RIN3: variants seen among roughly 807,000 people sequenced by gnomAD.
The protein encoded by RIN3 is RAB5 interacting protein 3.
A neutral mutation model predicts 76.3 loss-of-function variants in RIN3; 54 were observed. The ratio of observed to expected loss-of-function variants is 0.71; its 90% CI spans 0.57 to 0.89. The LOEUF (loss-of-function observed/expected upper bound fraction) is 0.89. Ranked by LOEUF, RIN3 falls within the 40% of genes least tolerant of loss-of-function variation. RIN3 has a pLI of 0.00. For synonymous variants in RIN3, 576 were observed against 564.0 expected, an observed-to-expected ratio of 1.02 and a Z score of -0.30; for missense variants, 1,256 against 1,322.1, an observed-to-expected ratio of 0.95 and a Z score of 0.78.
chr14:92,616,944 T>G lies in RIN3; in HGVS notation c.440+1465T>G, dbSNP rs118173610. Among the ~76,000 whole-genome samples, 165 of 152,342 alleles carry G rather than the reference T, an allele frequency of 1.1e-3. 4 individuals are homozygous for G. The East Asian group carries it at 0.028, about 26-fold the overall frequency. On this transcript the variant is annotated intron_variant, in intron 4 of 9. Transcript: ENST00000216487. ...TAGCACAAATGATACCATTTTGGTTTGGTTTGTTGGGGCCTAGTGCATGAG... is the reference window on the plus strand; with the variant it reads ...TAGCACAAATGATACCATTTTGGTTGGGTTTGTTGGGGCCTAGTGCATGAG...
chr14:92,520,260 T>C (rs1304630370), intron 1 of RIN3, among the ~76,000 whole-genome samples: 1 of 152,204 alleles, frequency 6.6e-6, no homozygotes, highest in African/African-American at 2.4e-5. Flanking sequence ...TCAGGCCACA[T>C]CCTATGGGGT....
At chr14:92,666,668 T>C (rs1361363732) in intron 7 of RIN3, among the ~76,000 whole-genome samples, 1 of 152,198 alleles carries the variant, frequency 6.6e-6, no homozygotes, top group Non-Finnish European at 1.5e-5. Context: ...AAAGAAGTCA[T>C]TCCCACCTCC....
At chr14:92,518,693 A>G (rs1212217729) in intron 1 of RIN3, among the ~76,000 whole-genome samples, 1 of 152,112 alleles carries the variant, frequency 6.6e-6, no homozygotes, top group African/African-American at 2.4e-5. Flanking sequence ...AGAATGGAGA[A>G]TAGCTTGGTG....
At position 92,681,837 on chromosome 14, in the gene RIN3, C is replaced by A. The variant is rs1888673378; in HGVS notation, c.2468-3150C>A. On this transcript the variant is annotated intron_variant, in intron 8 of 9. Coordinates refer to ENST00000216487, the MANE Select transcript of RIN3 (RefSeq NM_024832.5). The surrounding 1 kb of genome is among the most constrained non-coding windows in gnomAD (Gnocchi z 4.7). Reference sequence around the variant, plus strand: ...CTCTTATTAGGGACACCAAGGCAACCTCTGTGGTAGCTTTAATTTAGTTTT... The same window carrying A: ...CTCTTATTAGGGACACCAAGGCAACATCTGTGGTAGCTTTAATTTAGTTTT... Among the ~76,000 whole-genome samples, 1 of 152,140 alleles carries A rather than the reference C, an allele frequency of 6.6e-6. No individual in the cohort carries two copies. The highest frequency in any genetic ancestry group is 1.5e-5 in the Non-Finnish European group (1 of 68,032).
At chr14:92,594,187 C>T (rs1885078248) in intron 3 of RIN3, among the ~76,000 whole-genome samples, 1 of 152,120 alleles carries the variant, frequency 6.6e-6, no homozygotes, top group Admixed American at 6.5e-5. Flanking sequence ...AATCCCAGCA[C>T]TTTGGGAGGC....
At chr14:92,524,008 C>T (rs1896662566) in intron 1 of RIN3, among the ~76,000 whole-genome samples, 1 of 152,150 alleles carries the variant, frequency 6.6e-6, no homozygotes, top group East Asian at 1.9e-4. Context: ...GACTGGGCAA[C>T]ACAGCAAGAC....
chr14:92,573,371 C>A (rs1327565827), intron 2 of RIN3, among the ~76,000 whole-genome samples: 1 of 152,180 alleles, frequency 6.6e-6, no homozygotes, highest in African/African-American at 2.4e-5. Flanking sequence ...CATCTTCCTC[C>A]CAGCACATCA....
chr14:92,653,177 G>T, intron 6 of RIN3, 102 bp downstream of exon 6: 1 of 1,261,130 alleles, frequency 7.9e-7, no homozygotes, highest in Non-Finnish European at 1.1e-6. Context: ...GACGCTGTTG[G>T]TGCCCACCCC....
intron 1 of RIN3, chr14:92,515,598 A>G (rs565981570): frequency 9.6e-6 from 3 of 311,688 alleles, no homozygotes; most frequent in East Asian, 5.1e-5. Flanking sequence ...AATTATCACC[A>G]TTATTATCAT....
At chr14:92,579,601 C>T (rs1202024012) in intron 3 of RIN3, among the ~76,000 whole-genome samples, 2 of 152,234 alleles carry the variant, frequency 1.3e-5, no homozygotes, top group Non-Finnish European at 2.9e-5. Flanking sequence ...TAAATGGATC[C>T]ATCTCTTGTA....
In RIN3 at chr14:92,615,900, C is replaced by T. The variant is rs966590988; in HGVS notation, c.440+421C>T. 6 of 176,562 alleles carry T rather than the reference C, an allele frequency of 3.4e-5. No individual in the cohort carries two copies. The East Asian group carries it at 9.6e-4, about 28-fold the overall frequency. 10.9% of individuals were successfully genotyped at this position (176,562 alleles called of 1,614,324 possible). A position where few individuals can be genotyped will look rare whatever the true frequency, so the allele number is the denominator to read the frequency against. On this transcript the variant is annotated intron_variant, in intron 4 of 9. Coordinates refer to ENST00000216487, the MANE Select transcript of RIN3 (RefSeq NM_024832.5). Reference sequence around the variant, plus strand: ...CTGGGTGGAGCGGGTGTCTGCTAACCACCCTGAGAACTGCCTGTTTATTCA... The same window carrying T: ...CTGGGTGGAGCGGGTGTCTGCTAACTACCCTGAGAACTGCCTGTTTATTCA...
intron 6 of RIN3, 113 bp downstream of exon 6, chr14:92,653,188 C>G (rs1887539148): frequency 8.8e-7 from 1 of 1,139,708 alleles, no homozygotes; most frequent in South Asian, 1.6e-5. Context: ...TGCCCACCCC[C>G]TATCCCTTCC....
intron 3 of RIN3, among the ~76,000 whole-genome samples, chr14:92,583,694 C>T (rs1192821391): frequency 6.6e-6 from 1 of 152,174 alleles, no homozygotes; most frequent in East Asian, 1.9e-4. Context: ...CAGAGCTCCC[C>T]AACGTTTTTG....
intron 1 of RIN3, among the ~76,000 whole-genome samples, chr14:92,552,565 C>A (rs571139150): frequency 3.9e-5 from 6 of 152,070 alleles, no homozygotes; most frequent in Non-Finnish European, 8.8e-5. Context: ...TCCTGCCACT[C>A]TCACCCTTCT....
intron 1 of RIN3, among the ~76,000 whole-genome samples, chr14:92,538,209 T>A (rs1897052060): frequency 5.9e-5 from 9 of 152,218 alleles, no homozygotes; most frequent in Admixed American, 5.9e-4. Context: ...ACCTAGGTGA[T>A]CTGCCTGCCT....
intron 3 of RIN3, among the ~76,000 whole-genome samples, chr14:92,613,859 C>T (rs61975786): frequency 0.095 from 14,393 of 152,244 alleles, 913 homozygotes; most frequent in East Asian, 0.26. Context: ...GTTTCCTGGC[C>T]CCTCTGGAGC....
chr14:92,577,299 T>A (rs1427451161), intron 2 of RIN3, 61 bp from the exon 3 acceptor site: 1 of 1,178,546 alleles, frequency 8.5e-7, no homozygotes, highest in Non-Finnish European at 1.3e-6. Flanking sequence ...CTCGTGGTTG[T>A]CCTCCTCACC....
At chr14:92,523,345 C>T (rs1417210621) in intron 1 of RIN3, among the ~76,000 whole-genome samples, 4 of 152,330 alleles carry the variant, frequency 2.6e-5, no homozygotes, top group Admixed American at 1.3e-4. Context: ...CTCCTGTCCT[C>T]AGGTGATCCA....
intron 7 of RIN3, among the ~76,000 whole-genome samples, chr14:92,667,565 T>C (rs1888153077): frequency 6.6e-6 from 1 of 152,206 alleles, no homozygotes; most frequent in African/African-American, 2.4e-5. Context: ...GTCGCTCATG[T>C]TTATTGTTGC....
Sources: gnomAD v4.1 joint callset for allele counts (sites outside exome capture counted in the v4.1 genomes callset) on GRCh38, gnomAD v4.1.1 for gene constraint, Gnocchi (gnomAD v3.1) non-coding constraint, MANE v1.5 for transcripts, NCBI Gene and HGNC (gene_info 2026-07-23, HGNC 2026-07-21) for gene names.